The following PIK3AP1 variants were observed in gnomAD, a reference collection of about 807,000 sequenced individuals.
PIK3AP1 encodes phosphoinositide-3-kinase adaptor protein 1.
In PIK3AP1, 21 loss-of-function variants were observed where a neutral mutation model predicts 88.1. That is an observed-to-expected ratio of 0.24 (90% CI 0.17 to 0.34). The LOEUF is 0.34. Among genes scored for constraint, PIK3AP1 ranks in the 10% least tolerant of loss-of-function variants. PIK3AP1 has a pLI of 1.00. For missense variants in PIK3AP1, 828 were observed against 1,035.7 expected (o/e 0.80, Z 2.75); for synonymous variants, 398 against 400.0 (o/e 1.00, Z 0.06).
Position 96,609,785 on chromosome 10 carries a change from C to T in PIK3AP1, c.2097G>A (p.Arg699=). 3.7e-6 allele frequency: 6 copies of T among 1,614,136 alleles called. No individual in the cohort carries two copies. Among genetic ancestry groups the T allele is most frequent in the Admixed American group, 1.7e-5 (1 of 60,020 alleles). The change falls in exon 14 of 17, where the codon AGG becomes AGA. Residue 699 remains arginine, a synonymous_variant. Transcript: ENST00000339364. Reference sequence around the variant, plus strand: ...CCGTCCTAGGGGGAATGACACTTTTCCTGGGGCCACTCTCATAGACTCCAA... The same window carrying T: ...CCGTCCTAGGGGGAATGACACTTTTTCTGGGGCCACTCTCATAGACTCCAA... ...VEFGVYESGP[R]KSVIPPRTEL...
intron 2 of PIK3AP1, among the ~76,000 whole-genome samples, chr10:96,676,108 C>T (rs971200415): frequency 6.6e-6 from 1 of 152,062 alleles, no homozygotes; most frequent in Non-Finnish European, 1.5e-5. Flanking sequence ...TTCTGTTTGC[C>T]GTGGTTCACT....
At chr10:96,675,640 C>A (rs1421022104) in intron 2 of PIK3AP1, among the ~76,000 whole-genome samples, 1 of 152,154 alleles carries the variant, frequency 6.6e-6, no homozygotes, top group Non-Finnish European at 1.5e-5. Context: ...CCTGCTATTA[C>A]TGGATGGCTA....
intron 2 of PIK3AP1, among the ~76,000 whole-genome samples, chr10:96,663,103 A>G (rs1350770880): frequency 3.3e-5 from 5 of 152,020 alleles, no homozygotes; most frequent in African/African-American, 1.2e-4. Context: ...CTATAGAGAC[A>G]GAAAGTAGAT....
intron 2 of PIK3AP1, among the ~76,000 whole-genome samples, chr10:96,698,940 G>A (rs1252272689): frequency 6.6e-6 from 1 of 152,092 alleles, no homozygotes; most frequent in African/African-American, 2.4e-5. Flanking sequence ...CACTTTGGGA[G>A]GCCAAGGTGG....
chr10:96,698,553 A>G (rs1844251848), intron 2 of PIK3AP1, among the ~76,000 whole-genome samples: 2 of 152,016 alleles, frequency 1.3e-5, no homozygotes, highest in Admixed American at 1.3e-4. Context: ...ACTAAAAACT[A>G]AACTAAAAAC....
chr10:96,707,899 G>A (rs1041661557), intron 2 of PIK3AP1, among the ~76,000 whole-genome samples: 2 of 152,098 alleles, frequency 1.3e-5, no homozygotes, highest in Non-Finnish European at 2.9e-5. Context: ...TCCAGGTCCC[G>A]GCATTTCAGG....
chr10:96,715,095 C>T (rs1041407244), intron 1 of PIK3AP1, among the ~76,000 whole-genome samples: 1 of 152,002 alleles, frequency 6.6e-6, no homozygotes, highest in Non-Finnish European at 1.5e-5. Flanking sequence ...TTGACAGTCA[C>T]AAATCATGTT....
At chr10:96,716,623 G>A (rs916145198) in intron 1 of PIK3AP1, among the ~76,000 whole-genome samples, 1 of 152,192 alleles carries the variant, frequency 6.6e-6, no homozygotes, top group African/African-American at 2.4e-5. Flanking sequence ...AGGACTAAAT[G>A]CTTTGTCAGC....
chr10:96,720,040 G>A lies in PIK3AP1; in HGVS notation c.13+342C>T, dbSNP rs1844551024. 6.6e-6 allele frequency among the ~76,000 whole-genome samples: 1 copy of A among 152,140 alleles called. No homozygotes were observed. Reference sequence around the variant, plus strand: ...AGACCATCCACATCGCCCGCCCTCCGCTTCTCTCAACTCGCCTCTCGCTTC... The same window carrying A: ...AGACCATCCACATCGCCCGCCCTCCACTTCTCTCAACTCGCCTCTCGCTTC... On this transcript the variant is annotated intron_variant, in intron 1 of 16. Coordinates refer to ENST00000339364, the MANE Select transcript of PIK3AP1 (RefSeq NM_152309.3). This position sits in a 1 kb window ranked among gnomAD's most constrained non-coding sequence, Gnocchi z 4.6.
chr10:96,691,914 G>T (rs1182177686), intron 2 of PIK3AP1, among the ~76,000 whole-genome samples: 1 of 152,058 alleles, frequency 6.6e-6, no homozygotes, highest in Non-Finnish European at 1.5e-5. Flanking sequence ...GCTTAATCTT[G>T]GTGCATGTTT....
chr10:96,604,878 G>A (rs565396068), intron 14 of PIK3AP1, among the ~76,000 whole-genome samples: 95 of 151,470 alleles, frequency 6.3e-4, no homozygotes, highest in African/African-American at 2.0e-3. Context: ...TTTTTTCCCC[G>A]AGACTGAGTT....
intron 2 of PIK3AP1, among the ~76,000 whole-genome samples, chr10:96,708,357 C>T (rs1037891486): frequency 6.6e-6 from 1 of 151,332 alleles, no homozygotes; most frequent in Admixed American, 6.6e-5. Context: ...GGTGGATCAC[C>T]TGAGGTCAGG....
At chr10:96,628,923 T>TATATATATATAG (rs1843199712) in intron 8 of PIK3AP1, among the ~76,000 whole-genome samples, 1 of 130,712 alleles carries the variant, frequency 7.7e-6, no homozygotes, top group Non-Finnish European at 1.6e-5. Context: ...TATATATATA[T>TATATATATATAG]ATATATGGCA....
intron 2 of PIK3AP1, 108 bp from the exon 3 acceptor site, chr10:96,657,042 T>C (rs957961315): frequency 4.2e-6 from 5 of 1,191,832 alleles, no homozygotes; most frequent in Non-Finnish European, 5.9e-6. Flanking sequence ...CGGCTCTGAA[T>C]GTCAAACCAA....
At chr10:96,670,479 A>G (rs1235857122) in intron 2 of PIK3AP1, among the ~76,000 whole-genome samples, 2 of 152,196 alleles carry the variant, frequency 1.3e-5, no homozygotes, top group African/African-American at 4.8e-5. Context: ...CTGGTACTGG[A>G]GAGACCACAC....
At chr10:96,673,888 C>T (rs1184292297) in intron 2 of PIK3AP1, among the ~76,000 whole-genome samples, 2 of 152,162 alleles carry the variant, frequency 1.3e-5, no homozygotes, top group Non-Finnish European at 2.9e-5. Context: ...AAGGCTGAAA[C>T]GGTGTTTACT....
chr10:96,666,958 T>C (rs964371574), intron 2 of PIK3AP1, among the ~76,000 whole-genome samples: 3 of 150,908 alleles, frequency 2.0e-5, no homozygotes, highest in Non-Finnish European at 2.9e-5. Flanking sequence ...TGGTCTGGGG[T>C]TGTGACTCTG....
intron 8 of PIK3AP1, among the ~76,000 whole-genome samples, chr10:96,641,086 CGTGTGTGTGTGTGTGTGTGT>C (rs56816682): frequency 1.2e-4 from 17 of 143,340 alleles, no homozygotes; most frequent in South Asian, 8.9e-4. Context: ...GTGAGTGTGC[CGTGTGTGTGTGTGTGTGTGT>C]GTGTGTGTGT....
chr10:96,679,330 C>T (rs1290167153), intron 2 of PIK3AP1, among the ~76,000 whole-genome samples: 1 of 152,052 alleles, frequency 6.6e-6, no homozygotes, highest in Non-Finnish European at 1.5e-5. Context: ...GAGTTTGAGA[C>T]CAGCCTGGCC....
Sources: gnomAD v4.1 joint callset for allele counts (sites outside exome capture counted in the v4.1 genomes callset) on GRCh38, gnomAD v4.1.1 for gene constraint, Gnocchi (gnomAD v3.1) non-coding constraint, MANE v1.5 for transcripts, NCBI Gene and HGNC (gene_info 2026-07-23, HGNC 2026-07-21) for gene names.